CACNA2D1: variants seen among roughly 807,000 people sequenced by gnomAD.
The protein encoded by CACNA2D1 is voltage-dependent calcium channel subunit alpha-2/delta-1.
CACNA2D1 carries 53 observed loss-of-function variants against 171.5 expected under a neutral mutation model. That is an observed-to-expected ratio of 0.31 (90% CI 0.25 to 0.39). CACNA2D1 has a LOEUF of 0.39. Ranked by LOEUF, CACNA2D1 falls within the 10% of genes least tolerant of loss-of-function variation. CACNA2D1 has a pLI of 1.00. For missense variants in CACNA2D1, 903 were observed against 1,299.8 expected, an observed-to-expected ratio of 0.69 and a Z score of 4.69; for synonymous variants, 442 against 443.1, an observed-to-expected ratio of 1.00 and a Z score of 0.03.
At chr7:82,205,131 T>G (rs1279520565) in intron 3 of CACNA2D1, among the ~76,000 whole-genome samples, 1 of 152,184 alleles carries the variant, frequency 6.6e-6, no homozygotes, top group Non-Finnish European at 1.5e-5. Context: ...AAACTCCCTA[T>G]GATTCCCTGA....
At chr7:82,253,362 C>A (rs1244890064) in intron 3 of CACNA2D1, among the ~76,000 whole-genome samples, 1 of 152,092 alleles carries the variant, frequency 6.6e-6, no homozygotes, top group African/African-American at 2.4e-5. Flanking sequence ...AGGGCCATGG[C>A]CAGACTTCTA....
intron 9 of CACNA2D1, among the ~76,000 whole-genome samples, chr7:82,061,811 G>T (rs572342610): frequency 3.3e-5 from 5 of 152,300 alleles, no homozygotes; most frequent in South Asian, 4.1e-4. Context: ...AATCACAGGG[G>T]TGTGGAAAAT....
intron 32 of CACNA2D1, 90 bp downstream of exon 32, chr7:81,965,504 C>G: frequency 1.3e-6 from 1 of 784,632 alleles, no homozygotes; most frequent in Non-Finnish European, 2.3e-6. Context: ...AACAACTCAT[C>G]GATTTCTAAA....
At chr7:82,308,149 C>T (rs765984367) in intron 3 of CACNA2D1, among the ~76,000 whole-genome samples, 48 of 152,182 alleles carry the variant, frequency 3.2e-4, no homozygotes, top group Non-Finnish European at 5.7e-4. Context: ...GATGTATCCA[C>T]ACTGGCTCCT....
At chr7:82,130,375 A>C (rs1399127327) in intron 5 of CACNA2D1, among the ~76,000 whole-genome samples, 2 of 152,178 alleles carry the variant, frequency 1.3e-5, no homozygotes, top group Non-Finnish European at 2.9e-5. Context: ...ATTAAACATC[A>C]AAAAAAGAGT....
intron 3 of CACNA2D1, among the ~76,000 whole-genome samples, chr7:82,183,909 A>T (rs939461715): frequency 6.6e-6 from 1 of 151,672 alleles, no homozygotes; most frequent in Non-Finnish European, 1.5e-5. Context: ...CCACACTCTG[A>T]CTCTTCTTAT....
chr7:82,018,253 T>C (rs1397144518), intron 12 of CACNA2D1, among the ~76,000 whole-genome samples: 1 of 152,204 alleles, frequency 6.6e-6, no homozygotes, highest in Non-Finnish European at 1.5e-5. Context: ...TCCAAGATTA[T>C]ACAATTTAGC....
At chr7:82,135,833 A>G (rs1174334115) in intron 5 of CACNA2D1, among the ~76,000 whole-genome samples, 1 of 152,162 alleles carries the variant, frequency 6.6e-6, no homozygotes, top group Non-Finnish European at 1.5e-5. Flanking sequence ...TTTGTTTGCT[A>G]TGTTTACTGA....
chr7:82,063,536 G>A (rs900131884), intron 9 of CACNA2D1, among the ~76,000 whole-genome samples: 12 of 150,680 alleles, frequency 8.0e-5, no homozygotes, highest in Admixed American at 6.0e-4. Flanking sequence ...ACTAGATTTT[G>A]TTTCTTCCAA....
At chr7:82,112,075 T>C (rs1201481275) in intron 6 of CACNA2D1, among the ~76,000 whole-genome samples, 1 of 152,078 alleles carries the variant, frequency 6.6e-6, no homozygotes, top group Admixed American at 6.6e-5. Flanking sequence ...AAATATTAAC[T>C]CTATAGTTTC....
At chr7:82,032,116 G>C (rs1413091497) in intron 12 of CACNA2D1, among the ~76,000 whole-genome samples, 1 of 151,918 alleles carries the variant, frequency 6.6e-6, no homozygotes, top group Non-Finnish European at 1.5e-5. Context: ...TTTGATTGAA[G>C]CTGATATTCC....
At chr7:82,409,018 G>T (rs1827364248) in intron 1 of CACNA2D1, among the ~76,000 whole-genome samples, 1 of 151,610 alleles carries the variant, frequency 6.6e-6, no homozygotes, top group East Asian at 1.9e-4. Flanking sequence ...GCCCAGAGTT[G>T]TCACTCTTTT....
At chr7:82,396,303 G>A (rs548935349) in intron 1 of CACNA2D1, among the ~76,000 whole-genome samples, 13 of 152,116 alleles carry the variant, frequency 8.5e-5, no homozygotes, top group African/African-American at 2.6e-4. Context: ...GGGCAACACA[G>A]CGAGACCCCA....
At position 82,341,387 on chromosome 7, in the gene CACNA2D1, T is replaced by C. The variant is rs370932729; in HGVS notation, c.178-6136A>G. On this transcript the variant is annotated intron_variant, in intron 2 of 38. Coordinates refer to ENST00000356860, the MANE Select transcript of CACNA2D1 (RefSeq NM_000722.4). ...ACTAGTGACTGTAGATCTGAATTGA[T>C]GTTAGAATATACTTTAACAACAACA... Among the ~76,000 whole-genome samples, 161 of 152,302 alleles carry C rather than the reference T, an allele frequency of 1.1e-3. 3 individuals are homozygous for C. The South Asian group carries it at 0.033, about 31-fold the overall frequency.
intron 1 of CACNA2D1, among the ~76,000 whole-genome samples, chr7:82,374,205 A>C (rs894416637): frequency 6.6e-6 from 1 of 152,234 alleles, no homozygotes; most frequent in South Asian, 2.1e-4. Context: ...ATGTATGTTA[A>C]AAAGACAGGT....
intron 3 of CACNA2D1, among the ~76,000 whole-genome samples, chr7:82,265,845 T>C (rs926744154): frequency 6.6e-6 from 1 of 152,140 alleles, no homozygotes; most frequent in Non-Finnish European, 1.5e-5. Context: ...TTTGGAGAAC[T>C]GAGAGGCAAT....
intron 6 of CACNA2D1, among the ~76,000 whole-genome samples, chr7:82,095,887 T>C (rs929040243): frequency 2.6e-5 from 4 of 152,210 alleles, no homozygotes; most frequent in Non-Finnish European, 4.4e-5. Context: ...TTAGTTTAAC[T>C]TCAAGTTCTG....
intron 7 of CACNA2D1, among the ~76,000 whole-genome samples, chr7:82,073,421 T>C (rs947054298): frequency 1.3e-5 from 2 of 152,198 alleles, no homozygotes; most frequent in Non-Finnish European, 2.9e-5. Context: ...AATATGTAAT[T>C]AACTATTTCT....
intron 16 of CACNA2D1, 42 bp from the exon 17 acceptor site, chr7:82,005,881 T>A: frequency 9.4e-7 from 1 of 1,059,904 alleles, no homozygotes; most frequent in Non-Finnish European, 1.5e-6. Flanking sequence ...TGTCAAAAAT[T>A]TACGTATTTT....
Sources: allele counts gnomAD v4.1 joint callset (sites outside exome capture counted in the v4.1 genomes callset), GRCh38; gene constraint gnomAD v4.1.1; transcripts MANE v1.5; gene names NCBI Gene and HGNC (gene_info 2026-07-23, HGNC 2026-07-21).